The following TYW3 variants were observed in gnomAD, a reference collection of about 807,000 sequenced individuals.
TYW3 encodes the protein tRNA-yW synthesizing protein 3 homolog, also known as tRNA wybutosine-synthesizing protein 3 homolog.
In TYW3, 26 loss-of-function variants were observed where a neutral mutation model predicts 23.1. The ratio of observed to expected loss-of-function variants is 1.13; its 90% CI spans 0.83 to 1.56. The LOEUF is 1.56. Ranked by LOEUF, TYW3 falls within the 40% of genes most tolerant of loss-of-function variation. The pLI, the probability that TYW3 is intolerant of heterozygous loss-of-function variation, is 0.00. For missense variants in TYW3, 316 were observed against 311.9 expected (o/e 1.01, Z -0.10); for synonymous variants, 102 against 105.7 (o/e 0.97, Z 0.21).
intron 5 of TYW3, 134 bp downstream of exon 5, chr1:74,752,559 C>T: frequency 6.4e-6 from 5 of 777,354 alleles, no homozygotes; most frequent in Non-Finnish European, 9.4e-6. Flanking sequence ...CTTTTATTAT[C>T]ATTAATAATA....
intron 3 of TYW3, among the ~76,000 whole-genome samples, chr1:74,739,338 A>G (rs1648268118): frequency 6.6e-6 from 1 of 152,246 alleles, no homozygotes; most frequent in Non-Finnish European, 1.5e-5. Context: ...GTTAGGAGAC[A>G]GCAAAAACAA....
At chr1:74,742,430 G>A (rs758749402) in intron 3 of TYW3, among the ~76,000 whole-genome samples, 33 of 152,264 alleles carry the variant, frequency 2.2e-4, no homozygotes, top group African/African-American at 6.7e-4. Flanking sequence ...CCACGCCGAG[G>A]GGAGAAAACT....
chr1:74,741,066 TG>T (rs1208921233), intron 3 of TYW3, among the ~76,000 whole-genome samples: 5 of 152,144 alleles, frequency 3.3e-5, no homozygotes, highest in African/African-American at 1.2e-4. Context: ...AAAGGGCCAG[TG>T]GGTCCGTCCA....
chr1:74,738,257 C>CT (rs1462864952), intron 2 of TYW3, among the ~76,000 whole-genome samples: 1 of 152,186 alleles, frequency 6.6e-6, no homozygotes, highest in East Asian at 1.9e-4. Context: ...AGCACTGGTG[C>CT]TTGGTACAGG....
intron 3 of TYW3, among the ~76,000 whole-genome samples, chr1:74,743,960 C>T (rs1340976262): frequency 6.6e-6 from 1 of 152,150 alleles, no homozygotes; most frequent in Admixed American, 6.5e-5. Flanking sequence ...CCTTGATCTG[C>T]TTTAAATCAG....
rs111739268 is a variant in TYW3 at position 74,752,150 on chromosome 1, C to A, written c.427-142C>A. ...TCTCCTTTGCTTTAACTGTGCTCAGCTAAATTCTATCAAAGCGCTAACTTA... is the reference window on the plus strand; with the variant it reads ...TCTCCTTTGCTTTAACTGTGCTCAGATAAATTCTATCAAAGCGCTAACTTA... On this transcript the variant is annotated intron_variant, in intron 4 of 5. Transcript: ENST00000370867. 1,715 of 773,626 alleles carry A rather than the reference C, an allele frequency of 2.2e-3. 25 individuals are homozygous for A. In the African/African-American group the frequency reaches 0.027, roughly 12 times the overall value. The allele number at this position is 773,626 out of a possible 1,614,324, so 47.9% of individuals were successfully genotyped here.
intron 1 of TYW3, among the ~76,000 whole-genome samples, chr1:74,735,214 T>C (rs546113030): frequency 2.6e-5 from 4 of 152,254 alleles, no homozygotes; most frequent in Non-Finnish European, 5.9e-5. Flanking sequence ...ATCCAAATGC[T>C]TACTCTAGTA....
At chr1:74,758,908 GC>G (rs1320287336) in intron 5 of TYW3, among the ~76,000 whole-genome samples, 7 of 152,078 alleles carry the variant, frequency 4.6e-5, no homozygotes, top group Non-Finnish European at 8.8e-5. Flanking sequence ...CACAGTAGAA[GC>G]CCAAGAAATG....
chr1:74,752,531 G>C (rs1648822279), intron 5 of TYW3, 106 bp downstream of exon 5: 1 of 930,188 alleles, frequency 1.1e-6, no homozygotes, highest in African/African-American at 1.7e-5. Flanking sequence ...TTATCTATTT[G>C]TAGATAATTT....
chr1:74,759,897 G>A (rs1349582001), intron 5 of TYW3, among the ~76,000 whole-genome samples: 2 of 152,126 alleles, frequency 1.3e-5, no homozygotes, highest in African/African-American at 4.8e-5. Context: ...GCCCGCCTTG[G>A]CCTCCCAAAG....
chr1:74,744,491 C>T (rs754463839), intron 3 of TYW3, among the ~76,000 whole-genome samples: 2 of 152,106 alleles, frequency 1.3e-5, no homozygotes, highest in Non-Finnish European at 2.9e-5. Flanking sequence ...GAGTGTTTGG[C>T]TGACAGGTGT....
At chr1:74,755,397 T>C (rs1336493454) in intron 5 of TYW3, among the ~76,000 whole-genome samples, 1 of 152,212 alleles carries the variant, frequency 6.6e-6, no homozygotes, top group Non-Finnish European at 1.5e-5. Context: ...TGAATTCCAC[T>C]ATTATAGGTA....
At chr1:74,761,239 A>G (rs1413842716) in intron 5 of TYW3, among the ~76,000 whole-genome samples, 1 of 152,184 alleles carries the variant, frequency 6.6e-6, no homozygotes, top group Non-Finnish European at 1.5e-5. Context: ...AAGGGAAAGG[A>G]AAACTAGTAT....
Position 74,763,887 on chromosome 1 carries a change from T to G in TYW3, c.561-7T>G. The G allele has an allele frequency of 1.3e-6, 2 of 1,585,178 alleles. No homozygotes were observed. Among genetic ancestry groups the G allele is most frequent in the Non-Finnish European group, 1.7e-6 (2 of 1,172,226 alleles). On this transcript the variant is annotated splice_polypyrimidine_tract_variant and splice_region_variant and intron_variant, in intron 5 of 5. Transcript: ENST00000370867. Reference sequence around the variant, plus strand: ...CAGATATAATAGTAGTACTTATTTCTTCACAGGTTTTACAACTGCCTACAG... The same window carrying G: ...CAGATATAATAGTAGTACTTATTTCGTCACAGGTTTTACAACTGCCTACAG...
At chr1:74,739,303 A>T (rs1648266958) in intron 3 of TYW3, among the ~76,000 whole-genome samples, 1 of 152,206 alleles carries the variant, frequency 6.6e-6, no homozygotes, top group Non-Finnish European at 1.5e-5. Context: ...ACAAGATTAA[A>T]GACTGTCTTG....
At chr1:74,745,267 G>T (rs1439001875) in intron 3 of TYW3, among the ~76,000 whole-genome samples, 1 of 152,240 alleles carries the variant, frequency 6.6e-6, no homozygotes, top group Non-Finnish European at 1.5e-5. Context: ...AGCTTCCACA[G>T]CTTGGAAGGG....
intron 5 of TYW3, among the ~76,000 whole-genome samples, chr1:74,759,938 C>G (rs541195681): frequency 6.6e-6 from 1 of 152,340 alleles, no homozygotes; most frequent in African/African-American, 2.4e-5. Flanking sequence ...GCCACCGCAC[C>G]TGGCTGACAT....
intron 3 of TYW3, among the ~76,000 whole-genome samples, chr1:74,748,010 GCA>G (rs1203977403): frequency 6.6e-6 from 1 of 152,106 alleles, no homozygotes; most frequent in Non-Finnish European, 1.5e-5. Context: ...TTCAACCATG[GCA>G]CAGCTGGCAT....
In TYW3 at chr1:74,733,387, C is replaced by T; in HGVS notation, c.143C>T (p.Ser48Phe). The T allele has an allele frequency of 6.2e-7, 1 of 1,614,214 alleles. No individual in the cohort carries two copies. Among genetic ancestry groups the T allele is most frequent in the Non-Finnish European group, 8.5e-7 (1 of 1,180,040 alleles). The change falls in exon 1 of 6, where the codon TCC becomes TTC. Residue 48 changes from serine to phenylalanine, a missense_variant. Physicochemically the swap from Ser to Phe is radical, Grantham distance 155. Transcript: ENST00000370867. ...CGAGATCAGTTTTTCACCACCAGCT[C>T]CTGCGCTGGCCGCATCCTACTCCTT... ...NMRDQFFTTSSCAGRILLLDR... is the reference protein window; with the variant it reads ...NMRDQFFTTSFCAGRILLLDR...
Sources: allele counts gnomAD v4.1 joint callset (sites outside exome capture counted in the v4.1 genomes callset), GRCh38; gene constraint gnomAD v4.1.1; transcripts MANE v1.5; gene names NCBI Gene and HGNC (gene_info 2026-07-23, HGNC 2026-07-21).